The following CCDC7 variants were observed in gnomAD, a reference collection of about 807,000 sequenced individuals.
CCDC7 encodes coiled-coil domain-containing protein 7.
A neutral mutation model predicts 196.9 loss-of-function variants in CCDC7; 183 were observed. The ratio of observed to expected loss-of-function variants is 0.93; its 90% CI spans 0.82 to 1.05. The LOEUF (loss-of-function observed/expected upper bound fraction) is 1.05, where lower values mean the gene tolerates loss of function less well. Ranked by LOEUF, CCDC7 falls within the 50% of genes least tolerant of loss-of-function variation. The pLI is 0.00. For missense variants in CCDC7, 1,540 were observed against 1,482.2 expected, an observed-to-expected ratio of 1.04 and a Z score of -0.64; for synonymous variants, 525 against 484.6, an observed-to-expected ratio of 1.08 and a Z score of -1.10.
At chr10:32,767,443 T>A (rs1406617822) in intron 28 of CCDC7, among the ~76,000 whole-genome samples, 4 of 152,166 alleles carry the variant, frequency 2.6e-5, no homozygotes, top group African/African-American at 9.6e-5. Flanking sequence ...TGGCTTCTTT[T>A]AGAAGCAATT....
chr10:32,827,891 G>T lies in CCDC7; in HGVS notation c.3268+3287G>T, dbSNP rs184628962. 5.1e-4 allele frequency among the ~76,000 whole-genome samples: 78 copies of T among 152,260 alleles called. 1 individual carries two copies. Among genetic ancestry groups the T allele is most frequent in the Non-Finnish European group, 1.8e-4 (12 of 68,016 alleles). On this transcript the variant is annotated intron_variant, in intron 32 of 41. Transcript: ENST00000639629. ...TCTATAGAGAATCTCCATTAATGCA[G>T]CCACGAAATCCCTTTCCAGGCATTT...
In CCDC7 at chr10:32,758,016, C is replaced by T. The variant is rs2076763409; in HGVS notation, c.2906-20961C>T. 2.6e-5 allele frequency among the ~76,000 whole-genome samples: 4 copies of T among 152,220 alleles called. No individual in the cohort carries two copies. The South Asian group carries it at 6.2e-4, about 24-fold the overall frequency. ...AAAATCTAGAAGAAATGAATAAATTCCTGGGCACATACACCCGCCCAAGAC... is the reference window on the plus strand; with the variant it reads ...AAAATCTAGAAGAAATGAATAAATTTCTGGGCACATACACCCGCCCAAGAC... On this transcript the variant is annotated intron_variant, in intron 28 of 41. Transcript: ENST00000639629.
chr10:32,614,116 A>C (rs1373418064), intron 18 of CCDC7, among the ~76,000 whole-genome samples: 1 of 152,006 alleles, frequency 6.6e-6, no homozygotes. Context: ...TATATTTAGG[A>C]TAGTTAGCTC....
intron 18 of CCDC7, among the ~76,000 whole-genome samples, chr10:32,610,819 T>C (rs1372556276): frequency 6.6e-6 from 1 of 152,218 alleles, no homozygotes; most frequent in Non-Finnish European, 1.5e-5. Context: ...ATCCAGTCTA[T>C]CATTGATGGG....
At chr10:32,647,197 C>T (rs1409733498) in intron 20 of CCDC7, among the ~76,000 whole-genome samples, 1 of 152,178 alleles carries the variant, frequency 6.6e-6, no homozygotes, top group Non-Finnish European at 1.5e-5. Context: ...ACATTCCTAC[C>T]AACAGTGTTT....
At chr10:32,638,418 G>A (rs1269785014) in intron 20 of CCDC7, among the ~76,000 whole-genome samples, 1 of 152,044 alleles carries the variant, frequency 6.6e-6, no homozygotes, top group African/African-American at 2.4e-5. Context: ...AATACCTAAT[G>A]TATTGAGAGT....
chr10:32,611,091 C>T (rs1411246323), intron 18 of CCDC7, among the ~76,000 whole-genome samples: 1 of 152,146 alleles, frequency 6.6e-6, no homozygotes, highest in Non-Finnish European at 1.5e-5. Context: ...TTTGTTGTTT[C>T]CTGACTTTTT....
chr10:32,514,047 C>G (rs900048068), intron 9 of CCDC7: 4 of 152,334 alleles, frequency 2.6e-5, no homozygotes, highest in African/African-American at 9.6e-5. Flanking sequence ...AAAACTACCT[C>G]TATTTGCAAA....
Position 32,866,650 on chromosome 10 carries a change from G to A in CCDC7, c.4112-9697G>A, listed in dbSNP as rs190482567. 6.6e-5 allele frequency among the ~76,000 whole-genome samples: 10 copies of A among 151,506 alleles called. No individual in the cohort carries two copies. In the East Asian group the frequency reaches 1.4e-3, roughly 21 times the overall value. The stretch of plus-strand genomic sequence containing the variant: ...TGGTGGTGAGGAAAGGAGAGAAAAA[G>A]GGAGAAGGAAGCAGAGGGAGGAAAA... On this transcript the variant is annotated intron_variant, in intron 41 of 41. Transcript: ENST00000639629.
chr10:32,760,143 G>C (rs1194850808), intron 28 of CCDC7, among the ~76,000 whole-genome samples: 5 of 152,032 alleles, frequency 3.3e-5, no homozygotes, highest in African/African-American at 1.2e-4. Context: ...TTACACTGTT[G>C]GTGGGACTGT....
At chr10:32,687,079 T>G (rs2076546439) in intron 22 of CCDC7, among the ~76,000 whole-genome samples, 1 of 152,230 alleles carries the variant, frequency 6.6e-6, no homozygotes, top group Non-Finnish European at 1.5e-5. Flanking sequence ...GGTAATTACC[T>G]TTATGGACAG....
At chr10:32,693,878 C>A (rs897136109) in intron 23 of CCDC7, among the ~76,000 whole-genome samples, 8 of 152,128 alleles carry the variant, frequency 5.3e-5, no homozygotes, top group East Asian at 1.9e-4. Flanking sequence ...GCTGGCTCCC[C>A]CCTTGTGCTC....
At chr10:32,551,884 T>G (rs2053540568) in intron 13 of CCDC7, among the ~76,000 whole-genome samples, 9 of 152,206 alleles carry the variant, frequency 5.9e-5, no homozygotes, top group Admixed American at 5.9e-4. Flanking sequence ...GGTTGTTGGA[T>G]GAAATGTTCT....
intron 18 of CCDC7, among the ~76,000 whole-genome samples, chr10:32,619,390 G>A (rs950570356): frequency 6.6e-6 from 1 of 151,940 alleles, no homozygotes; most frequent in Admixed American, 6.6e-5. Flanking sequence ...TAACAATAAT[G>A]TATTAAAATT....
In CCDC7 at chr10:32,778,972, TAC is replaced by T; in HGVS notation, c.2906-3_2906-2del. On this transcript the variant is annotated splice_region_variant and splice_polypyrimidine_tract_variant and intron_variant, in intron 28 of 41. Coordinates refer to ENST00000639629, the Ensembl canonical transcript of CCDC7. The stretch of plus-strand genomic sequence containing the variant: ...AACTACTTTGACAATCTGTTATTCT[TAC>T]AGTTAAAAATGAAGCAGCCTCAGAA... The T allele has an allele frequency of 6.5e-7, 1 of 1,544,982 alleles. No individual in the cohort carries two copies. Among genetic ancestry groups the T allele is most frequent in the Non-Finnish European group, 8.8e-7 (1 of 1,142,608 alleles).
intron 28 of CCDC7, among the ~76,000 whole-genome samples, chr10:32,747,605 A>G (rs112408619): frequency 0.053 from 8,085 of 152,302 alleles, 716 homozygotes; most frequent in African/African-American, 0.18. Flanking sequence ...AGCATATGAA[A>G]AAAATGCTTA....
chr10:32,655,291 C>A (rs1172086315), intron 20 of CCDC7, among the ~76,000 whole-genome samples: 3 of 152,080 alleles, frequency 2.0e-5, no homozygotes, highest in Non-Finnish European at 4.4e-5. Flanking sequence ...CAAGGTCAGC[C>A]ATTAGAAAAT....
intron 29 of CCDC7, among the ~76,000 whole-genome samples, chr10:32,803,457 T>C (rs1319196856): frequency 1.3e-5 from 2 of 152,170 alleles, no homozygotes; most frequent in African/African-American, 2.4e-5. Context: ...AATTGTTATA[T>C]CCTCTCTCTG....
chr10:32,876,905 G>T (rs1473237972), downstream of CCDC7: 2 of 152,064 alleles, frequency 1.3e-5, no homozygotes, highest in Non-Finnish European at 2.9e-5. Flanking sequence ...CCCCTGAAGA[G>T]CATAAATATT....
Sources: gnomAD v4.1 joint callset for allele counts (sites outside exome capture counted in the v4.1 genomes callset) on GRCh38, gnomAD v4.1.1 for gene constraint, MANE v1.5 for transcripts, NCBI Gene and HGNC (gene_info 2026-07-23, HGNC 2026-07-21) for gene names.